TSHZ2: variants seen among roughly 807,000 people sequenced by gnomAD.
The protein encoded by TSHZ2 is teashirt homolog 2.
Under a neutral mutation model 74.4 loss-of-function variants are expected in TSHZ2, and 21 were observed. That is an observed-to-expected ratio of 0.28 (90% CI 0.20 to 0.41). The LOEUF is 0.41. TSHZ2 is among the 10% of genes least tolerant of loss of function. The pLI is 1.00. For synonymous variants in TSHZ2, 540 were observed against 515.3 expected (o/e 1.05, Z -0.65); for missense variants, 1,244 against 1,293.5 (o/e 0.96, Z 0.59).
At chr20:53,141,571 C>T (rs1395637775) in intron 1 of TSHZ2, among the ~76,000 whole-genome samples, 1 of 152,190 alleles carries the variant, frequency 6.6e-6, no homozygotes, top group East Asian at 1.9e-4. Flanking sequence ...TAAGACAAGG[C>T]CTTGTTGACA....
chr20:53,032,045 G>T (rs1266024989), intron 1 of TSHZ2, among the ~76,000 whole-genome samples: 1 of 152,144 alleles, frequency 6.6e-6, no homozygotes, highest in Non-Finnish European at 1.5e-5. Flanking sequence ...ATTTAGTTAT[G>T]GGTCTGATGC....
chr20:53,282,536 A>G (rs1339501504), intron 2 of TSHZ2, among the ~76,000 whole-genome samples: 1 of 152,248 alleles, frequency 6.6e-6, no homozygotes, highest in Non-Finnish European at 1.5e-5. Flanking sequence ...AGGTTCAGGT[A>G]TAAGCCCCTC....
chr20:53,158,456 T>C (rs1317121460), intron 1 of TSHZ2, among the ~76,000 whole-genome samples: 7 of 147,380 alleles, frequency 4.7e-5, no homozygotes, highest in African/African-American at 1.6e-4. Flanking sequence ...GTGGCTGGGC[T>C]GATAGTGGTG....
intron 1 of TSHZ2, among the ~76,000 whole-genome samples, chr20:53,214,778 G>C (rs908256939): frequency 1.3e-5 from 2 of 152,046 alleles, no homozygotes; most frequent in Non-Finnish European, 2.9e-5. Flanking sequence ...GGAAGGGAGG[G>C]TGTGTAGAGT....
At chr20:53,229,433 G>GT (rs1989766887) in intron 1 of TSHZ2, among the ~76,000 whole-genome samples, 2 of 152,104 alleles carry the variant, frequency 1.3e-5, no homozygotes, top group Non-Finnish European at 2.9e-5. Context: ...TGTCATAACT[G>GT]TTTCAAAGAC....
chr20:53,169,100 T>C (rs1265303378), intron 1 of TSHZ2, among the ~76,000 whole-genome samples: 1 of 152,214 alleles, frequency 6.6e-6, no homozygotes, highest in Non-Finnish European at 1.5e-5. Context: ...CAGGAATCTG[T>C]AATTTTTACT....
chr20:53,020,335 T>C (rs1983196754), intron 1 of TSHZ2, among the ~76,000 whole-genome samples: 1 of 152,198 alleles, frequency 6.6e-6, no homozygotes, highest in Non-Finnish European at 1.5e-5. Flanking sequence ...CTCAGTCTCA[T>C]TTCATTTTAC....
At chr20:53,071,151 C>T (rs957021990) in intron 1 of TSHZ2, among the ~76,000 whole-genome samples, 9 of 152,168 alleles carry the variant, frequency 5.9e-5, no homozygotes, top group African/African-American at 1.9e-4. Flanking sequence ...AAAATATCCC[C>T]CCCATTTGGT....
At chr20:53,056,370 A>T (rs1471789564) in intron 1 of TSHZ2, among the ~76,000 whole-genome samples, 2 of 152,206 alleles carry the variant, frequency 1.3e-5, no homozygotes, top group Non-Finnish European at 2.9e-5. Context: ...GAACTGGATG[A>T]GGAAAAGCCA....
chr20:53,289,179 T>A (rs1991232408), intron 2 of TSHZ2, among the ~76,000 whole-genome samples: 1 of 136,606 alleles, frequency 7.3e-6, no homozygotes, highest in Non-Finnish European at 1.7e-5. Context: ...TATTCAGTGG[T>A]GTATATATAC....
At chr20:53,165,351 T>C (rs1212229328) in intron 1 of TSHZ2, among the ~76,000 whole-genome samples, 1 of 152,224 alleles carries the variant, frequency 6.6e-6, no homozygotes, top group Non-Finnish European at 1.5e-5. Context: ...GAACCAGATT[T>C]GTCTGCCTTC....
chr20:52,997,180 G>A (rs561130304), intron 1 of TSHZ2, among the ~76,000 whole-genome samples: 2 of 152,194 alleles, frequency 1.3e-5, no homozygotes, highest in South Asian at 4.2e-4. Flanking sequence ...CTCTTTCTTC[G>A]TCCTGTCCCC....
chr20:53,464,771 A>G (rs1985504775), intron 2 of TSHZ2, among the ~76,000 whole-genome samples: 1 of 151,894 alleles, frequency 6.6e-6, no homozygotes, highest in Non-Finnish European at 1.5e-5. Context: ...CCCAGTCAGT[A>G]TTTTTCTTTC....
At chr20:53,287,630 G>T (rs981824569) in intron 2 of TSHZ2, among the ~76,000 whole-genome samples, 1 of 152,220 alleles carries the variant, frequency 6.6e-6, no homozygotes, top group Non-Finnish European at 1.5e-5. Context: ...AACTTGCATG[G>T]AGACTGAGAT....
chr20:52,984,220 C>G (rs933132543), intron 1 of TSHZ2, among the ~76,000 whole-genome samples: 1 of 152,134 alleles, frequency 6.6e-6, no homozygotes, highest in African/African-American at 2.4e-5. Flanking sequence ...GTAGGAGGCG[C>G]TGGAACTGGA....
chr20:53,425,032 G>T lies in TSHZ2; in HGVS notation c.*9-62112G>T, dbSNP rs530494598. 2.0e-5 allele frequency among the ~76,000 whole-genome samples: 3 copies of T among 152,298 alleles called. No homozygotes were observed. The East Asian group carries it at 5.8e-4, about 29-fold the overall frequency. On this transcript the variant is annotated intron_variant, in intron 2 of 2. Transcript: ENST00000371497. Reference sequence around the variant, plus strand: ...ATAGTGCTGCAATGAACATATGTGTGCATGTATCTTTATAATAGAATGATT... The same window carrying T: ...ATAGTGCTGCAATGAACATATGTGTTCATGTATCTTTATAATAGAATGATT...
intron 2 of TSHZ2, among the ~76,000 whole-genome samples, chr20:53,472,474 C>G (rs11905052): frequency 6.6e-6 from 1 of 152,138 alleles, no homozygotes; most frequent in Non-Finnish European, 1.5e-5. Context: ...ATTGGGGGTG[C>G]AAGCACCCTG....
chr20:53,167,686 C>A (rs1032352050), intron 1 of TSHZ2, among the ~76,000 whole-genome samples: 1 of 152,098 alleles, frequency 6.6e-6, no homozygotes, highest in Non-Finnish European at 1.5e-5. Flanking sequence ...ACATTGCAAT[C>A]TCAAATTGTT....
At chr20:53,430,755 A>AGTTTT (rs896594374) in intron 2 of TSHZ2, among the ~76,000 whole-genome samples, 14 of 151,976 alleles carry the variant, frequency 9.2e-5, no homozygotes, top group Non-Finnish European at 1.5e-4. Context: ...AGTTTAGTTT[A>AGTTTT]GTTTTGTTTT....
Sources: allele counts gnomAD v4.1 joint callset (sites outside exome capture counted in the v4.1 genomes callset), GRCh38; gene constraint gnomAD v4.1.1; transcripts MANE v1.5; gene names NCBI Gene and HGNC (gene_info 2026-07-23, HGNC 2026-07-21).